The following C3orf22 variants were observed in gnomAD, a reference collection of about 807,000 sequenced individuals.
C3orf22 encodes chromosome 3 open reading frame 22, also known as uncharacterized protein C3orf22.
C3orf22 carries 7 observed loss-of-function variants against 10.8 expected under a neutral mutation model. That is an observed-to-expected ratio of 0.65 (90% CI 0.37 to 1.22). The LOEUF (loss-of-function observed/expected upper bound fraction) is 1.22, where lower values mean the gene tolerates loss of function less well. Among genes scored for constraint, C3orf22 ranks in the 50% most tolerant of loss-of-function variants. The pLI is 0.02. For missense variants in C3orf22, 173 were observed against 177.0 expected (o/e 0.98, Z 0.13); for synonymous variants, 79 against 78.9 (o/e 1.00, Z 0.00).
rs149925364 is a variant in C3orf22 at position 126,529,384 on chromosome 3, G to A, written c.287-12C>T. 1.5e-3 allele frequency: 1,883 copies of A among 1,289,164 alleles called. 21 individuals carry two copies. The African/African-American group carries it at 0.024, about 16-fold the overall frequency. The allele number at this position is 1,289,164 out of a possible 1,614,324, so 79.9% of individuals were successfully genotyped here. On this transcript the variant is annotated splice_polypyrimidine_tract_variant and intron_variant and NMD_transcript_variant, in intron 4 of 5. Transcript: ENST00000505070. The stretch of plus-strand genomic sequence containing the variant: ...TGGGGCCCACTTGCCTACGGATGCC[G>A]CAAGGGGGGACAGGTGTCAGGACAA...
At chr3:126,553,497 AC>A in intron 1 of C3orf22, 67 bp from the exon 2 acceptor site, 1 of 1,053,932 alleles carries the variant, frequency 9.5e-7, no homozygotes, top group Non-Finnish European at 1.5e-6. Context: ...AGTGATGAGT[AC>A]CCAGCAGGGC....
At chr3:126,545,440 G>A (rs1937052289), downstream of C3orf22, among the ~76,000 whole-genome samples, 1 of 152,344 alleles carries the variant, frequency 6.6e-6, no homozygotes, top group South Asian at 2.1e-4. Flanking sequence ...CTGCAGTTAT[G>A]GGGTAGGGCT....
intron 4 of C3orf22, chr3:126,541,935 G>A: frequency 2.5e-6 from 4 of 1,593,362 alleles, no homozygotes; most frequent in Non-Finnish European, 3.4e-6. Flanking sequence ...CTGGCGCTGA[G>A]CGGCCAAGCC....
intron 4 of C3orf22, among the ~76,000 whole-genome samples, chr3:126,531,328 T>C (rs1285233693): frequency 6.6e-6 from 1 of 152,260 alleles, no homozygotes; most frequent in Non-Finnish European, 1.5e-5. Flanking sequence ...GACCTGTTCC[T>C]CAGATTTCCC....
At chr3:126,555,548 G>A (rs945643921) in intron 1 of C3orf22, among the ~76,000 whole-genome samples, 1 of 152,142 alleles carries the variant, frequency 6.6e-6, no homozygotes, top group African/African-American at 2.4e-5. Context: ...AGGAGCGCAG[G>A]CCCCATTATG....
intron 4 of C3orf22, chr3:126,541,622 G>C (rs576121588): frequency 1.9e-6 from 2 of 1,074,260 alleles, no homozygotes; most frequent in South Asian, 1.9e-5. Flanking sequence ...TTGGGTGCCC[G>C]GCGCAGCTCC....
chr3:126,536,515 A>T (rs1936793992), intron 4 of C3orf22, among the ~76,000 whole-genome samples: 1 of 152,164 alleles, frequency 6.6e-6, no homozygotes, highest in Non-Finnish European at 1.5e-5. Context: ...GACAAGGGCA[A>T]ATCTTGGGGG....
intron 4 of C3orf22, among the ~76,000 whole-genome samples, chr3:126,531,240 G>A (rs1346164935): frequency 6.6e-6 from 1 of 152,234 alleles, no homozygotes; most frequent in Non-Finnish European, 1.5e-5. Flanking sequence ...CTAGAGGTGG[G>A]GCCCGGGATT....
At chr3:126,536,440 G>A in intron 4 of C3orf22, 2 of 1,017,012 alleles carry the variant, frequency 2.0e-6, no homozygotes, top group South Asian at 1.5e-5. Context: ...GCTGGCATGA[G>A]ACTGGACCCC....
chr3:126,533,472 A>G (rs762077991), intron 4 of C3orf22, among the ~76,000 whole-genome samples: 38 of 152,166 alleles, frequency 2.5e-4, no homozygotes, highest in Admixed American at 5.2e-4. Context: ...TTCTGCATTT[A>G]TTGATGAGCA....
At chr3:126,541,867 T>C in intron 4 of C3orf22, 3 of 1,595,710 alleles carry the variant, frequency 1.9e-6, no homozygotes, top group African/African-American at 1.4e-5. Flanking sequence ...ACGACGCGCA[T>C]GGCCTGCTCT....
At chr3:126,532,490 T>C (rs1041772558) in intron 4 of C3orf22, among the ~76,000 whole-genome samples, 10 of 152,236 alleles carry the variant, frequency 6.6e-5, no homozygotes, top group African/African-American at 1.9e-4. Flanking sequence ...TGCATGTGAA[T>C]ATCTCATGCT....
chr3:126,547,459 C>T (rs1052762792), downstream of C3orf22, among the ~76,000 whole-genome samples: 4 of 152,228 alleles, frequency 2.6e-5, no homozygotes, highest in Non-Finnish European at 5.9e-5. Context: ...CCCTCAGATT[C>T]TTCCTTTAAA....
chr3:126,536,921 AC>A (rs1936807813), intron 4 of C3orf22, among the ~76,000 whole-genome samples: 1 of 146,692 alleles, frequency 6.8e-6, no homozygotes, highest in South Asian at 2.1e-4. Flanking sequence ...ACACACACAC[AC>A]ACCCCACACA....
At chr3:126,542,136 C>T in intron 4 of C3orf22, 1 of 1,565,684 alleles carries the variant, frequency 6.4e-7, no homozygotes, top group Middle Eastern at 1.7e-4. Flanking sequence ...TACAGCGCCG[C>T]CTTCCAGAGG....
At chr3:126,545,403 A>G (rs182924741), downstream of C3orf22, among the ~76,000 whole-genome samples, 330 of 152,286 alleles carry the variant, frequency 2.2e-3, 2 homozygotes, top group Non-Finnish European at 2.6e-3. Context: ...TCTGGCTTTC[A>G]TTGTCAGGAA....
At chr3:126,541,972 G>T (rs1423622454) in intron 4 of C3orf22, 5 of 1,577,968 alleles carry the variant, frequency 3.2e-6, no homozygotes, top group Admixed American at 1.8e-5. Context: ...CCATCTCCGC[G>T]CAAGAGGCGC....
At chr3:126,542,002 C>G (rs1021589837) in intron 4 of C3orf22, 4 of 1,561,434 alleles carry the variant, frequency 2.6e-6, no homozygotes, top group East Asian at 2.4e-5. Context: ...GCCGCCTGCC[C>G]TCACTGGCCG....
chr3:126,536,894 C>A (rs868713112), intron 4 of C3orf22, among the ~76,000 whole-genome samples: 10 of 112,330 alleles, frequency 8.9e-5, no homozygotes, highest in Non-Finnish European at 1.3e-4. Context: ...CACACACACA[C>A]AAACACACAC....
Sources: gnomAD v4.1 joint callset for allele counts (sites outside exome capture counted in the v4.1 genomes callset) on GRCh38, gnomAD v4.1.1 for gene constraint, MANE v1.5 for transcripts, NCBI Gene and HGNC (gene_info 2026-07-23, HGNC 2026-07-21) for gene names.